SLCO2A1: variants seen among roughly 807,000 people sequenced by gnomAD.
SLCO2A1 encodes solute carrier organic anion transporter family member 2A1, also known as matrin F/G 1.
SLCO2A1 carries 60 observed loss-of-function variants against 71.7 expected under a neutral mutation model. The ratio of observed to expected loss-of-function variants is 0.84; its 90% CI spans 0.68 to 1.04. The LOEUF is 1.04. Among genes scored for constraint, SLCO2A1 ranks in the 50% least tolerant of loss-of-function variants. The pLI, the probability that SLCO2A1 is intolerant of heterozygous loss-of-function variation, is 0.00. For missense variants in SLCO2A1, 745 were observed against 813.4 expected (o/e 0.92, Z 1.02); for synonymous variants, 308 against 326.7 (o/e 0.94, Z 0.62).
chr3:133,977,629 G>C (rs1218056161), intron 2 of SLCO2A1, among the ~76,000 whole-genome samples: 1 of 152,174 alleles, frequency 6.6e-6, no homozygotes, highest in Non-Finnish European at 1.5e-5. Flanking sequence ...CTGAGGCTGT[G>C]CATGAACTCA....
intron 2 of SLCO2A1, among the ~76,000 whole-genome samples, chr3:133,974,714 C>T (rs1038715651): frequency 2.0e-5 from 3 of 152,158 alleles, no homozygotes; most frequent in African/African-American, 4.8e-5. Flanking sequence ...GTAAGGTCTT[C>T]AATGGTAAGG....
chr3:134,001,682 G>T (rs1167247751), intron 1 of SLCO2A1, among the ~76,000 whole-genome samples: 1 of 152,158 alleles, frequency 6.6e-6, no homozygotes, highest in African/African-American at 2.4e-5. Context: ...AGGTGAGAGT[G>T]AGGGGCTTCA....
chr3:133,973,438 G>C (rs1030664794), intron 3 of SLCO2A1, among the ~76,000 whole-genome samples: 1 of 152,206 alleles, frequency 6.6e-6, no homozygotes, highest in Non-Finnish European at 1.5e-5. Context: ...GGTCATTCCT[G>C]GCATGAAGCA....
intron 3 of SLCO2A1, among the ~76,000 whole-genome samples, chr3:133,967,753 T>A (rs1022000698): frequency 1.4e-4 from 21 of 151,068 alleles, no homozygotes; most frequent in Non-Finnish European, 2.8e-4. Flanking sequence ...TCCTTGCACA[T>A]CTGCCCATCC....
At chr3:133,975,361 G>T (rs1934419235) in intron 2 of SLCO2A1, among the ~76,000 whole-genome samples, 1 of 152,064 alleles carries the variant, frequency 6.6e-6, no homozygotes, top group Admixed American at 6.5e-5. Context: ...TAATCGATCA[G>T]CAAATCCCCT....
rs1934118471 is a variant in SLCO2A1, at chr3:133,964,443, A to G, written c.397+9220T>C. Among the ~76,000 whole-genome samples, 4 of 152,360 alleles carry G rather than the reference A, an allele frequency of 2.6e-5. No individual in the cohort carries two copies. In the South Asian group the frequency reaches 8.3e-4, roughly 32 times the overall value. ...TGAGAAACTCAAATAGATAAGGGAA[A>G]TGGGAGAAGCTTGGAGACAGGCAAT... On this transcript the variant is annotated intron_variant, in intron 3 of 13. Transcript: ENST00000310926.
chr3:134,028,112 T>G (rs1935735501), intron 1 of SLCO2A1, among the ~76,000 whole-genome samples: 1 of 152,338 alleles, frequency 6.6e-6, no homozygotes, highest in East Asian at 1.9e-4. Context: ...AACATTTATT[T>G]TAGGGAACCA....
At chr3:133,976,392 T>C (rs772625428) in intron 2 of SLCO2A1, among the ~76,000 whole-genome samples, 1 of 152,054 alleles carries the variant, frequency 6.6e-6, no homozygotes, top group Non-Finnish European at 1.5e-5. Context: ...TGGGTGAGGG[T>C]CAGTGGAGGG....
chr3:133,950,902 T>C (rs1345473470), intron 6 of SLCO2A1: 1 of 382,672 alleles, frequency 2.6e-6, no homozygotes, highest in African/African-American at 2.1e-5. Flanking sequence ...AGACTTGGCC[T>C]TTATTGGCTC....
chr3:133,976,306 C>T (rs927408162), intron 2 of SLCO2A1, among the ~76,000 whole-genome samples: 2 of 152,232 alleles, frequency 1.3e-5, no homozygotes, highest in Non-Finnish European at 2.9e-5. Flanking sequence ...TTCTTGTTTC[C>T]GTATTGCTTT....
At chr3:134,001,648 G>C (rs1271287095) in intron 1 of SLCO2A1, among the ~76,000 whole-genome samples, 1 of 152,112 alleles carries the variant, frequency 6.6e-6, no homozygotes, top group Non-Finnish European at 1.5e-5. Context: ...TCTGGGTAAG[G>C]AAAGGTGGGA....
At chr3:133,965,925 T>C (rs1417674535) in intron 3 of SLCO2A1, among the ~76,000 whole-genome samples, 2 of 152,038 alleles carry the variant, frequency 1.3e-5, no homozygotes, top group Non-Finnish European at 2.9e-5. Context: ...GAGTGGAGTA[T>C]AGGAAGAGAG....
At chr3:133,952,256 T>C (rs551158986) in intron 5 of SLCO2A1, among the ~76,000 whole-genome samples, 12 of 152,166 alleles carry the variant, frequency 7.9e-5, no homozygotes, top group East Asian at 1.9e-4. Context: ...TCTACTTTCA[T>C]TGGAAGTACA....
At chr3:133,998,057 G>A (rs1372542906) in intron 1 of SLCO2A1, among the ~76,000 whole-genome samples, 3 of 152,116 alleles carry the variant, frequency 2.0e-5, no homozygotes, top group South Asian at 2.1e-4. Context: ...AGCAAGAGCC[G>A]CCTCCTGCTC....
intron 3 of SLCO2A1, among the ~76,000 whole-genome samples, chr3:133,972,433 G>A (rs1360462884): frequency 6.6e-6 from 1 of 152,082 alleles, no homozygotes; most frequent in African/African-American, 2.4e-5. Context: ...CAGAAAAAAA[G>A]GATGGAGAAA....
Position 133,948,883 on chromosome 3 carries a change from G to T in SLCO2A1, c.940+10C>A, listed in dbSNP as rs1933659522. 6.2e-7 allele frequency: 1 copy of T among 1,613,518 alleles called. No individual in the cohort carries two copies. Among genetic ancestry groups the T allele is most frequent in the Non-Finnish European group, 8.5e-7 (1 of 1,179,448 alleles). ...TGTGCCAGCCCACCCAGGGCTGTAG[G>T]GTCAGTTACGTTTAATGAAATCCAC... On this transcript the variant is annotated intron_variant, in intron 7 of 13. Coordinates refer to ENST00000310926, the MANE Select transcript of SLCO2A1 (RefSeq NM_005630.3).
At chr3:134,025,852 G>A (rs1371729806) in intron 1 of SLCO2A1, among the ~76,000 whole-genome samples, 1 of 152,194 alleles carries the variant, frequency 6.6e-6, no homozygotes, top group Non-Finnish European at 1.5e-5. Flanking sequence ...TTGGTTTGAA[G>A]AGAAGTTTAC....
chr3:133,952,734 G>C (rs942095251), intron 5 of SLCO2A1, among the ~76,000 whole-genome samples: 13 of 152,152 alleles, frequency 8.5e-5, no homozygotes, highest in Admixed American at 3.9e-4. Flanking sequence ...TATACATTAG[G>C]CTTGTTCTGA....
intron 8 of SLCO2A1, 85 bp from the exon 9 acceptor site, chr3:133,947,530 A>T: frequency 8.6e-7 from 1 of 1,156,680 alleles, no homozygotes; most frequent in South Asian, 1.6e-5. Context: ...ATCACTGAGA[A>T]GGAAGCATGG....
Sources: gnomAD v4.1 joint callset for allele counts (sites outside exome capture counted in the v4.1 genomes callset) on GRCh38, gnomAD v4.1.1 for gene constraint, MANE v1.5 for transcripts, NCBI Gene and HGNC (gene_info 2026-07-23, HGNC 2026-07-21) for gene names.